The following ANKRD26 variants were observed in gnomAD, a reference collection of about 807,000 sequenced individuals.
ANKRD26 encodes the protein ankyrin repeat domain-containing protein 26.
In ANKRD26, 141 loss-of-function variants were observed where a neutral mutation model predicts 208.7. That is an observed-to-expected ratio of 0.68 (90% confidence interval 0.59 to 0.78). The LOEUF (loss-of-function observed/expected upper bound fraction) is 0.78, where lower values mean the gene tolerates loss of function less well. Ranked by LOEUF, ANKRD26 falls within the 30% of genes least tolerant of loss-of-function variation. The pLI, the probability that ANKRD26 is intolerant of heterozygous loss-of-function variation, is 0.00. For missense variants in ANKRD26, 1,889 were observed against 1,938.7 expected (o/e 0.97, Z 0.48); for synonymous variants, 636 against 660.4 (o/e 0.96, Z 0.57).
the ANKRD26 span, among the ~76,000 whole-genome samples, chr10:26,968,376 C>A: frequency 6.6e-6 from 1 of 152,204 alleles, no homozygotes. Flanking sequence ...TGCCCTCACT[C>A]ACCAAGACTG....
At chr10:27,002,524 G>A (rs2052747989), downstream of ANKRD26, among the ~76,000 whole-genome samples, 1 of 152,180 alleles carries the variant, frequency 6.6e-6, no homozygotes, top group South Asian at 2.1e-4. Context: ...TATGTGAGTG[G>A]CCCTGCAATG....
intron 12 of ANKRD26, among the ~76,000 whole-genome samples, chr10:27,061,573 T>TTC (rs1398291439): frequency 6.6e-6 from 1 of 151,066 alleles, no homozygotes; most frequent in African/African-American, 2.4e-5. Context: ...TTTTTTTTTT[T>TTC]TTTTGATACA....
At chr10:26,960,072 G>A in the ANKRD26 span, among the ~76,000 whole-genome samples, 1 of 151,700 alleles carries the variant, frequency 6.6e-6, no homozygotes, top group Admixed American at 6.6e-5. Flanking sequence ...TGAGACACGA[G>A]AATCACTTGA....
intron 9 of ANKRD26, among the ~76,000 whole-genome samples, chr10:27,067,655 T>C (rs533774551): frequency 2.0e-5 from 3 of 152,270 alleles, no homozygotes; most frequent in African/African-American, 7.2e-5. Flanking sequence ...GCAGATCCCA[T>C]GAGAACTCAC....
At chr10:27,029,189 G>T in intron 26 of ANKRD26, 97 bp downstream of exon 26, 1 of 1,390,520 alleles carries the variant, frequency 7.2e-7, no homozygotes, top group Non-Finnish European at 1.0e-6. Context: ...ACTTCACACA[G>T]ATGTACTTAT....
chr10:27,037,687 C>A (rs1243131621), intron 22 of ANKRD26, among the ~76,000 whole-genome samples, 184 bp downstream of exon 22: 2 of 152,072 alleles, frequency 1.3e-5, no homozygotes, highest in Non-Finnish European at 2.9e-5. Context: ...ATTCAGAAAA[C>A]AGAGACTAAG....
the ANKRD26 span, among the ~76,000 whole-genome samples, chr10:26,961,944 T>C: frequency 1.3e-5 from 2 of 152,162 alleles, no homozygotes; most frequent in Admixed American, 6.5e-5. Context: ...TATATGTGTA[T>C]AACAAGAACC....
chr10:26,972,588 C>CTTTT (rs773904333), downstream of ANKRD26, among the ~76,000 whole-genome samples: 7 of 121,962 alleles, frequency 5.7e-5, no homozygotes, highest in African/African-American at 1.3e-4. Context: ...CAAAGTGATT[C>CTTTT]TTTTTTTTTT....
At chr10:27,069,188 T>G (rs1397912265) in intron 9 of ANKRD26, among the ~76,000 whole-genome samples, 1 of 82,602 alleles carries the variant, frequency 1.2e-5, no homozygotes, top group Non-Finnish European at 2.2e-5. Context: ...GAGTGAGACG[T>G]CGTCTCAAAA....
intron 15 of ANKRD26, among the ~76,000 whole-genome samples, chr10:27,058,085 C>G (rs76431976): frequency 1.3e-5 from 2 of 152,028 alleles, no homozygotes; most frequent in African/African-American, 4.8e-5. Context: ...AAATATTTTC[C>G]TTTTTTCTTT....
chr10:27,029,420 G>A, intron 25 of ANKRD26, 64 bp from the exon 26 acceptor site: 2 of 1,490,560 alleles, frequency 1.3e-6, no homozygotes, highest in Non-Finnish European at 1.8e-6. Flanking sequence ...TCCATTACCT[G>A]TTTTTGTAAC....
the ANKRD26 span, among the ~76,000 whole-genome samples, chr10:26,949,593 C>T: frequency 4.6e-5 from 7 of 152,158 alleles, no homozygotes; most frequent in South Asian, 2.1e-4. Flanking sequence ...GCAGTTTCCA[C>T]CTTCTGGGTT....
chr10:26,950,248 G>A, the ANKRD26 span, among the ~76,000 whole-genome samples: 1 of 152,112 alleles, frequency 6.6e-6, no homozygotes, highest in Admixed American at 6.5e-5. Flanking sequence ...ATAATTGTCT[G>A]GCATTTCCTC....
rs774134447 is a variant in ANKRD26 at position 27,067,210 on chromosome 10, G to A, written c.1154C>T (p.Thr385Ile). Residue 385 changes from threonine to isoleucine, a missense_variant, in exon 10 of 34, where the codon ACA becomes ATA. By Grantham distance (89) the Thr-to-Ile change is moderately conservative. Transcript: ENST00000376087. ...AACATAAGTCAAATTGTCATTATTT[G>A]TTTGCTCTAGTGGAGCACTTTCAAT... ...DIIESAPLEQ[T>I]NNDNLTYVDE... 6.2e-7 allele frequency: 1 copy of A among 1,613,522 alleles called. No individual in the cohort carries two copies. The highest frequency in any genetic ancestry group is 1.7e-5 in the Admixed American group (1 of 60,018).
At chr10:27,094,096 C>G (rs977362090) in intron 1 of ANKRD26, among the ~76,000 whole-genome samples, 1 of 152,110 alleles carries the variant, frequency 6.6e-6, no homozygotes, top group Non-Finnish European at 1.5e-5. Flanking sequence ...GCTTTTCCCT[C>G]TTTTGCTTGG....
Position 27,044,209 on chromosome 10 carries a change from T to A in ANKRD26, c.1986-19A>T. Reference sequence around the variant, plus strand: ...AGTAGGCCTAAAAAAAAAAAATACCTTTCAGGCAAATAGTAAACATGTAAA... The same window carrying A: ...AGTAGGCCTAAAAAAAAAAAATACCATTCAGGCAAATAGTAAACATGTAAA... On this transcript the variant is annotated intron_variant, in intron 18 of 33. Coordinates refer to ENST00000376087, the MANE Select transcript of ANKRD26 (RefSeq NM_014915.3). 3.5e-6 allele frequency: 5 copies of A among 1,427,188 alleles called. No individual in the cohort carries two copies. The highest frequency in any genetic ancestry group is 4.8e-6 in the Non-Finnish European group (5 of 1,043,306). 88.4% of individuals were successfully genotyped at this position (1,427,188 alleles called of 1,614,324 possible). A position where few individuals can be genotyped will look rare whatever the true frequency, so the allele number is the denominator to read the frequency against.
intron 5 of ANKRD26, among the ~76,000 whole-genome samples, chr10:26,992,833 A>G (rs1412301728): frequency 6.6e-6 from 1 of 152,188 alleles, no homozygotes; most frequent in Non-Finnish European, 1.5e-5. Flanking sequence ...CTGGGTTTTC[A>G]TATCAGCCAT....
the ANKRD26 span, among the ~76,000 whole-genome samples, chr10:26,961,214 TA>T: frequency 0.44 from 62,035 of 139,720 alleles, 15,197 homozygotes; most frequent in Non-Finnish European, 0.55. Context: ...AGAATCCATC[TA>T]AAAAAAAAAA....
rs772116648 is a variant in ANKRD26 at position 27,037,266 on chromosome 10, T to C, written c.2617A>G (p.Met873Val). 1.2e-6 allele frequency: 2 copies of C among 1,613,930 alleles called. No individual in the cohort carries two copies. The highest frequency in any genetic ancestry group is 1.7e-6 in the Non-Finnish European group (2 of 1,179,842). The change falls in exon 23 of 34, where the codon ATG (methionine) becomes GTG (valine). Residue 873 changes from methionine (M) to valine (V), a missense_variant. By Grantham distance (21) the Met-to-Val change is conservative. Transcript: ENST00000376087. The stretch of plus-strand genomic sequence containing the variant: ...TTGGTCAGAATTCCATCTTGTAACA[T>C]TCTGGCATTCTGTTCTCGAGAAAGT... ...RQLSREQNAR[M>V]LQDGILTNHL...
Sources: allele counts gnomAD v4.1 joint callset (sites outside exome capture counted in the v4.1 genomes callset), GRCh38; gene constraint gnomAD v4.1.1; transcripts MANE v1.5; gene names NCBI Gene and HGNC (gene_info 2026-07-23, HGNC 2026-07-21).